The following PTGER3 variants were observed in gnomAD, a reference collection of about 807,000 sequenced individuals.
PTGER3 encodes prostaglandin E receptor 3.
A neutral mutation model predicts 34.7 loss-of-function variants in PTGER3; 22 were observed. The ratio of observed to expected loss-of-function variants is 0.63; its 90% CI spans 0.45 to 0.91. The LOEUF is 0.91. Ranked by LOEUF, PTGER3 falls within the 40% of genes least tolerant of loss-of-function variation. PTGER3 has a pLI of 0.00. For synonymous variants in PTGER3, 241 were observed against 230.1 expected (o/e 1.05, Z -0.43); for missense variants, 468 against 519.4 (o/e 0.90, Z 0.96).
chr1:71,010,174 T>C, intron 2 of PTGER3: 5 of 985,084 alleles, frequency 5.1e-6, no homozygotes, highest in Non-Finnish European at 6.0e-6. Context: ...AAAAGTGATA[T>C]TCTTGTGATA....
intron 2 of PTGER3, among the ~76,000 whole-genome samples, chr1:70,977,884 G>A (rs181411511): frequency 6.6e-6 from 1 of 152,202 alleles, no homozygotes; most frequent in Admixed American, 6.5e-5. Flanking sequence ...GCAGTCTCAG[G>A]TGCTCCTAAT....
downstream of PTGER3, among the ~76,000 whole-genome samples, chr1:70,966,627 G>A (rs1467519481): frequency 2.0e-5 from 3 of 152,000 alleles, no homozygotes; most frequent in Non-Finnish European, 2.9e-5. Flanking sequence ...AGGCCCTGGT[G>A]TGTGTTGTTT....
chr1:70,917,760 C>G (rs551981857), intron 4 of PTGER3, among the ~76,000 whole-genome samples: 10 of 151,896 alleles, frequency 6.6e-5, no homozygotes, highest in African/African-American at 2.4e-4. Flanking sequence ...AGTGTGGTGA[C>G]ATCTCATTGT....
rs184953971 is a variant in PTGER3 at position 70,998,147 on chromosome 1, C to G, written c.1077+14158G>C. 4.7e-4 allele frequency among the ~76,000 whole-genome samples: 72 copies of G among 152,316 alleles called. No homozygotes were observed. The East Asian group carries it at 0.012, about 25-fold the overall frequency. On this transcript the variant is annotated intron_variant, in intron 2 of 3. Transcript: ENST00000306666. The stretch of plus-strand genomic sequence containing the variant: ...CCTTCATGCATTTGAGAGAATCTCA[C>G]CATGGTTCTTAGATGCAGTCAGGTT...
intron 4 of PTGER3, among the ~76,000 whole-genome samples, chr1:70,895,030 A>T (rs1198220058): frequency 6.6e-6 from 1 of 152,186 alleles, no homozygotes; most frequent in East Asian, 1.9e-4. Context: ...AGTTCTAAGG[A>T]TATCAATCCC....
intron 2 of PTGER3, chr1:71,008,201 A>T (rs1169554099): frequency 1.1e-6 from 1 of 944,784 alleles, no homozygotes; most frequent in Non-Finnish European, 1.3e-6. Flanking sequence ...GAAATACATA[A>T]TCTAGTAGAT....
At chr1:70,936,483 A>G (rs1649242472) in intron 4 of PTGER3, among the ~76,000 whole-genome samples, 3 of 152,180 alleles carry the variant, frequency 2.0e-5, no homozygotes, top group Non-Finnish European at 2.9e-5. Context: ...ATCCTGTAGT[A>G]CAATTCCAAA....
Position 70,971,274 on chromosome 1 carries a change from T to G in PTGER3, c.*456A>C. On this transcript the variant is annotated 3_prime_UTR_variant, in exon 4 of 4. Transcript: ENST00000306666. ...TATATGTCGTTAAGTTCATATCCTA[T>G]TAATTGAATTATCACTCTCAATATG... The G allele has an allele frequency of 1.0e-6, 1 of 986,040 alleles. No homozygotes were observed. The highest frequency in any genetic ancestry group is 1.2e-6 in the Non-Finnish European group (1 of 830,356). 61.1% of individuals were successfully genotyped at this position (986,040 alleles called of 1,614,324 possible).
chr1:70,962,325 A>G (rs1232193138), intron 2 of PTGER3, among the ~76,000 whole-genome samples: 1 of 152,166 alleles, frequency 6.6e-6, no homozygotes, highest in Non-Finnish European at 1.5e-5. Flanking sequence ...GGTTACAACA[A>G]TCATCCTTAG....
chr1:70,970,969 T>C lies in PTGER3; in HGVS notation c.*761A>G, dbSNP rs1653018965. 4.1e-6 allele frequency: 4 copies of C among 985,202 alleles called. No individual in the cohort carries two copies. In the African/African-American group the frequency reaches 5.2e-5, roughly 13 times the overall value. 61.0% of individuals were successfully genotyped at this position (985,202 alleles called of 1,614,324 possible). On this transcript the variant is annotated 3_prime_UTR_variant, in exon 4 of 4. Transcript: ENST00000306666. ...TGGTGAATCAGAAGGCCTACCTGGA[T>C]TTTTTTATCACTCTAACTGCGCAGC... is the stretch of plus-strand genomic sequence containing the variant.
At chr1:71,017,141 G>A (rs1280433561) in intron 1 of PTGER3, among the ~76,000 whole-genome samples, 3 of 151,994 alleles carry the variant, frequency 2.0e-5, no homozygotes, top group Non-Finnish European at 2.9e-5. Context: ...GGACCCAGAC[G>A]TGAGGAGATA....
chr1:71,017,968 T>C (rs1021052513), intron 1 of PTGER3, among the ~76,000 whole-genome samples: 2 of 152,202 alleles, frequency 1.3e-5, no homozygotes, highest in Non-Finnish European at 2.9e-5. Flanking sequence ...TTTCACCATA[T>C]TGGCCAGGCT....
intron 4 of PTGER3, among the ~76,000 whole-genome samples, chr1:70,864,648 A>G (rs1646001569): frequency 6.6e-6 from 1 of 152,184 alleles, no homozygotes; most frequent in African/African-American, 2.4e-5. Context: ...GTTCCCTCAA[A>G]TCGAGATGCT....
intron 4 of PTGER3, among the ~76,000 whole-genome samples, chr1:70,854,136 C>G (rs1024045639): frequency 1.3e-5 from 2 of 152,018 alleles, no homozygotes; most frequent in Non-Finnish European, 2.9e-5. Flanking sequence ...GTACATCAAA[C>G]TTAAAGCCTT....
At chr1:71,007,554 G>T in intron 2 of PTGER3, 1 of 985,340 alleles carries the variant, frequency 1.0e-6, no homozygotes, top group Non-Finnish European at 1.2e-6. Context: ...AATGATGAAG[G>T]TTAACAGGTA....
intron 4 of PTGER3, among the ~76,000 whole-genome samples, chr1:70,902,712 A>G (rs1646865871): frequency 6.6e-6 from 1 of 152,230 alleles, no homozygotes; most frequent in African/African-American, 2.4e-5. Flanking sequence ...TATTCAGAAA[A>G]CACCAGAAAG....
chr1:70,951,818 AAGGT>A (rs1386860298), downstream of PTGER3, among the ~76,000 whole-genome samples: 3 of 152,198 alleles, frequency 2.0e-5, no homozygotes, highest in Non-Finnish European at 1.5e-5. Context: ...AGAAAACAAA[AAGGT>A]AGACAGACAA....
At chr1:70,919,185 C>T (rs775902557) in intron 4 of PTGER3, among the ~76,000 whole-genome samples, 12 of 152,150 alleles carry the variant, frequency 7.9e-5, no homozygotes, top group Admixed American at 2.0e-4. Flanking sequence ...CACCACCCAA[C>T]TTTGTCCAGC....
chr1:70,949,035 GCTC>G (rs1650491200), downstream of PTGER3, among the ~76,000 whole-genome samples: 1 of 152,136 alleles, frequency 6.6e-6, no homozygotes, highest in African/African-American at 2.4e-5. Flanking sequence ...TATTCACAGA[GCTC>G]CTCCATTCTC....
Sources: gnomAD v4.1 joint callset for allele counts (sites outside exome capture counted in the v4.1 genomes callset) on GRCh38, gnomAD v4.1.1 for gene constraint, MANE v1.5 for transcripts, NCBI Gene and HGNC (gene_info 2026-07-23, HGNC 2026-07-21) for gene names.